RFC3: variants seen among roughly 807,000 people sequenced by gnomAD.
RFC3 encodes A1 38 kDa subunit.
RFC3 carries 41 observed loss-of-function variants against 45.1 expected under a neutral mutation model. The observed-to-expected ratio is 0.91, with a 90% CI of 0.71 to 1.18. The LOEUF (loss-of-function observed/expected upper bound fraction) is 1.18, where lower values mean the gene tolerates loss of function less well. RFC3 is among the 50% of genes most tolerant of loss of function. The probability of loss-of-function intolerance (pLI) is 0.00; values close to 1 mark genes in which losing one functional copy is unlikely to be tolerated. For synonymous variants in RFC3, 149 were observed against 144.0 expected (o/e 1.03, Z -0.25); for missense variants, 423 against 428.1 (o/e 0.99, Z 0.10).
intron 8 of RFC3, among the ~76,000 whole-genome samples, chr13:33,891,766 T>C (rs2082564835): frequency 6.6e-6 from 1 of 152,148 alleles, no homozygotes; most frequent in Non-Finnish European, 1.5e-5. Flanking sequence ...GTCAAATATA[T>C]ATGTATAGAC....
Position 33,885,056 on chromosome 13 carries a change from C to T in RFC3, c.879+49839C>T, listed in dbSNP as rs1043254557. Among the ~76,000 whole-genome samples the T allele has an allele frequency of 6.5e-4, 99 of 152,202 alleles. 1 individual carries two copies. Among genetic ancestry groups the T allele is most frequent in the African/African-American group, 2.3e-3 (94 of 41,520 alleles). On this transcript the variant is annotated intron_variant, in intron 8 of 8. Coordinates refer to the RFC3 transcript ENST00000434425. ...CAGTGGGCTCCTGGAACAAAGACTG[C>T]CCTATTGAACGGAGCCACCTTTGAG... is the stretch of plus-strand genomic sequence containing the variant.
chr13:33,884,962 C>T (rs1452074924), intron 8 of RFC3, among the ~76,000 whole-genome samples: 1 of 152,224 alleles, frequency 6.6e-6, no homozygotes, highest in Non-Finnish European at 1.5e-5. Flanking sequence ...TCCTGAACTC[C>T]TCGACCTCTT....
At position 33,907,232 on chromosome 13, in the gene RFC3, C is replaced by T. The variant is rs537898066; in HGVS notation, c.880-58855C>T. On this transcript the variant is annotated intron_variant, in intron 8 of 8. Coordinates refer to the RFC3 transcript ENST00000434425. ...AGACTTTGGGTAATATGTTCTATTC[C>T]TAAACCCTTGCTTTTGGATTGTGAA... Among the ~76,000 whole-genome samples, 3 of 152,120 alleles carry T rather than the reference C, an allele frequency of 2.0e-5. No homozygotes were observed. The South Asian group carries it at 6.2e-4, about 32-fold the overall frequency.
intron 8 of RFC3, among the ~76,000 whole-genome samples, chr13:33,851,390 C>T (rs1358334979): frequency 1.3e-5 from 2 of 152,082 alleles, no homozygotes; most frequent in East Asian, 1.9e-4. Context: ...CAGAGCCTTA[C>T]CAACAACAGA....
In RFC3 at chr13:33,927,431, T is replaced by A. The variant is rs562295377; in HGVS notation, c.880-38656T>A. Among the ~76,000 whole-genome samples the A allele has an allele frequency of 1.4e-4, 22 of 152,188 alleles. No homozygotes were observed. In the South Asian group the frequency reaches 3.5e-3, roughly 24 times the overall value. ...AGCTCTGATTGGTGAGTGGTGGCATTGCTAGGTAAAACTTGTCATCTTAAA... is the reference window on the plus strand; with the variant it reads ...AGCTCTGATTGGTGAGTGGTGGCATAGCTAGGTAAAACTTGTCATCTTAAA... On this transcript the variant is annotated intron_variant, in intron 8 of 8. Transcript: ENST00000434425.
intron 8 of RFC3, among the ~76,000 whole-genome samples, chr13:33,940,771 T>C (rs1373708998): frequency 6.6e-6 from 1 of 152,236 alleles, no homozygotes; most frequent in Non-Finnish European, 1.5e-5. Context: ...CTTATAATAG[T>C]TTAGAAACCT....
intron 8 of RFC3, among the ~76,000 whole-genome samples, chr13:33,924,174 G>T (rs1159887322): frequency 6.6e-6 from 1 of 151,972 alleles, no homozygotes; most frequent in Non-Finnish European, 1.5e-5. Context: ...CCAGATAATT[G>T]ACTTTAAAAG....
At chr13:33,886,541 G>GA (rs57875939) in intron 8 of RFC3, among the ~76,000 whole-genome samples, 333 of 76,236 alleles carry the variant, frequency 4.4e-3, no homozygotes, top group African/African-American at 0.011. Flanking sequence ...TCTGAAAAAA[G>GA]AAAAAAAAAA....
intron 8 of RFC3, among the ~76,000 whole-genome samples, chr13:33,952,205 C>A (rs529614249): frequency 2.6e-5 from 4 of 152,298 alleles, no homozygotes; most frequent in East Asian, 3.9e-4. Flanking sequence ...AGTGCACAAT[C>A]CTCATTAAAA....
At chr13:33,874,258 G>A (rs1019929556) in intron 8 of RFC3, among the ~76,000 whole-genome samples, 17 of 152,180 alleles carry the variant, frequency 1.1e-4, no homozygotes, top group South Asian at 4.1e-4. Context: ...CAGAGGCAGC[G>A]TGATGGGGAC....
chr13:33,864,680 T>C (rs765146886), intron 8 of RFC3, among the ~76,000 whole-genome samples: 1 of 152,168 alleles, frequency 6.6e-6, no homozygotes, highest in Non-Finnish European at 1.5e-5. Context: ...GTTTTCAAAC[T>C]ATAGAATTTT....
In RFC3 at chr13:33,820,902, CATATATATATTTAT is replaced by C. The variant is rs201256908; in HGVS notation, c.88-219_88-206del. ...GTCAGGCGAATAGTAAACTTTTCAG[CATATATATATTTAT>C]ATATATATATATATATATAAAAGAT... On this transcript the variant is annotated intron_variant, in intron 1 of 8. Transcript: ENST00000380071. Among the ~76,000 whole-genome samples the C allele has an allele frequency of 6.8e-3, 619 of 90,598 alleles. 6 individuals carry two copies. The highest frequency in any genetic ancestry group is 0.021 in the African/African-American group (583 of 27,802). 59.4% of individuals were successfully genotyped at this position (90,598 alleles called of 152,430 possible). A position where few individuals can be genotyped will look rare whatever the true frequency, so the allele number is the denominator to read the frequency against.
intron 8 of RFC3, among the ~76,000 whole-genome samples, chr13:33,870,832 A>G (rs765972817): frequency 2.0e-5 from 3 of 152,310 alleles, no homozygotes; most frequent in South Asian, 2.1e-4. Context: ...ATATGCCTCT[A>G]TGTCTTCAGT....
At chr13:33,868,740 C>T (rs866907453) in intron 8 of RFC3, among the ~76,000 whole-genome samples, 20 of 152,290 alleles carry the variant, frequency 1.3e-4, no homozygotes, top group African/African-American at 4.3e-4. Context: ...AGTGTACTTT[C>T]ATTTCAATAG....
At chr13:33,864,701 G>T (rs1030184229) in intron 8 of RFC3, among the ~76,000 whole-genome samples, 3 of 152,038 alleles carry the variant, frequency 2.0e-5, no homozygotes, top group African/African-American at 7.2e-5. Context: ...TTTCTTTAGG[G>T]TAATGAGAAG....
At chr13:33,949,465 C>A (rs1371843911) in intron 8 of RFC3, among the ~76,000 whole-genome samples, 1 of 152,162 alleles carries the variant, frequency 6.6e-6, no homozygotes, top group Admixed American at 6.5e-5. Context: ...ACGTTAAGCA[C>A]CGTACTCAAT....
At chr13:33,917,451 A>T (rs17080167) in intron 8 of RFC3, among the ~76,000 whole-genome samples, 28,809 of 151,940 alleles carry the variant, frequency 0.19, 3,854 homozygotes, top group African/African-American at 0.35. Flanking sequence ...CCTCTTCAGG[A>T]TCTCCTTAAA....
chr13:33,845,541 A>C (rs1341734582), intron 8 of RFC3, among the ~76,000 whole-genome samples: 1 of 152,166 alleles, frequency 6.6e-6, no homozygotes, highest in Non-Finnish European at 1.5e-5. Context: ...CTTTTTGATC[A>C]ATTCCATTAT....
chr13:33,868,516 G>T (rs1298096840), intron 8 of RFC3, among the ~76,000 whole-genome samples: 4 of 152,198 alleles, frequency 2.6e-5, no homozygotes, highest in Admixed American at 2.0e-4. Context: ...TGGTCATGGG[G>T]CAAGTCTTCA....
Sources: gnomAD v4.1 joint callset for allele counts (sites outside exome capture counted in the v4.1 genomes callset) on GRCh38, gnomAD v4.1.1 for gene constraint, MANE v1.5 for transcripts, NCBI Gene and HGNC (gene_info 2026-07-23, HGNC 2026-07-21) for gene names.